UQCRC1: variants seen among roughly 807,000 people sequenced by gnomAD.
The protein encoded by UQCRC1 is ubiquinol-cytochrome c reductase core protein 1, also known as cytochrome b-c1 complex subunit 1, mitochondrial.
UQCRC1 carries 34 observed loss-of-function variants against 58.0 expected under a neutral mutation model. That is an observed-to-expected ratio of 0.59 (90% CI 0.45 to 0.78). The LOEUF is 0.78. Ranked by LOEUF, UQCRC1 falls within the 30% of genes least tolerant of loss-of-function variation. The pLI is 0.00. For missense variants in UQCRC1, 610 were observed against 646.0 expected (o/e 0.94, Z 0.60); for synonymous variants, 276 against 248.8 (o/e 1.11, Z -1.03).
At position 48,600,575 on chromosome 3, in the gene UQCRC1, G is replaced by T. The variant is rs564377121; in HGVS notation, c.1128-8C>A. On this transcript the variant is annotated splice_region_variant and splice_polypyrimidine_tract_variant and intron_variant, in intron 9 of 12. Transcript: ENST00000203407. ...CTGGTACACAGGCGCATCCTAAAGT[G>T]GGGGGGTGGGTGGTATTCATTCTGA... The T allele has an allele frequency of 1.2e-5, 20 of 1,613,742 alleles. No homozygotes were observed. Among genetic ancestry groups the T allele is most frequent in the South Asian group, 8.8e-5 (8 of 91,052 alleles).
At chr3:48,601,810 G>A (rs2046368705) in intron 6 of UQCRC1, among the ~76,000 whole-genome samples, 1 of 152,182 alleles carries the variant, frequency 6.6e-6, no homozygotes, top group African/African-American at 2.4e-5. Flanking sequence ...TGGGCACAAA[G>A]CCACCTGGCC....
Position 48,600,661 on chromosome 3 carries a change from ATACC to A in UQCRC1, c.1127+15_1127+18del. 6.2e-7 allele frequency: 1 copy of A among 1,614,158 alleles called. No individual in the cohort carries two copies. ...GTTAAAGCCGCCATCCCACCTAGGAATACCAGGCTGCCACTTACCACTGCCCTTG... is the reference window on the plus strand; with the variant it reads ...GTTAAAGCCGCCATCCCACCTAGGAAAGGCTGCCACTTACCACTGCCCTTG... On this transcript the variant is annotated intron_variant, in intron 9 of 12. Coordinates refer to ENST00000203407, the MANE Select transcript of UQCRC1 (RefSeq NM_003365.3).
intron 12 of UQCRC1, 163 bp downstream of exon 12, chr3:48,599,472 C>G: frequency 2.5e-6 from 2 of 790,604 alleles, no homozygotes; most frequent in Non-Finnish European, 4.0e-6. Flanking sequence ...GACAGGTTTT[C>G]TGAGCAAGAA....
chr3:48,604,620 C>T, intron 4 of UQCRC1, 31 bp downstream of exon 4: 1 of 1,613,554 alleles, frequency 6.2e-7, no homozygotes, highest in Non-Finnish European at 8.5e-7. Context: ...CTTCCCTGCC[C>T]TCTGTCCCCG....
At chr3:48,605,669 G>C (rs570185687) in intron 3 of UQCRC1, 101 bp downstream of exon 3, 3 of 1,181,154 alleles carry the variant, frequency 2.5e-6, no homozygotes, top group African/African-American at 1.6e-5. Context: ...CATCAGCCCC[G>C]CAACTGAGGC....
chr3:48,601,518 G>A, intron 6 of UQCRC1, 51 bp from the exon 7 acceptor site: 3 of 1,567,678 alleles, frequency 1.9e-6, no homozygotes, highest in Admixed American at 1.8e-5. Flanking sequence ...CAAGGCACAG[G>A]GTGGGGCGAT....
rs760262856 is a variant in UQCRC1 at position 48,609,571 on chromosome 3, A to T, written c.50T>A (p.Leu17Gln). The change falls in exon 1 of 13, where the codon CTA (leucine) becomes CAA (glutamine). Residue 17 changes from leucine to glutamine, a missense_variant. Coordinates refer to ENST00000203407, the MANE Select transcript of UQCRC1 (RefSeq NM_003365.3). ...CRAATAGAQV[L>Q]LRARRSPALL... ...CCTCACCGAGCGGCGGGCGCGCAAT[A>T]GCACTTGTGCCCCGGCGGTAGCGGC... is the stretch of plus-strand genomic sequence containing the variant. 6.4e-7 allele frequency: 1 copy of T among 1,570,170 alleles called. No individual in the cohort carries two copies. The highest frequency in any genetic ancestry group is 1.1e-5 in the South Asian group (1 of 87,292).
chr3:48,600,946 C>T (rs772865589), intron 8 of UQCRC1, 29 bp downstream of exon 8: 6 of 1,601,048 alleles, frequency 3.7e-6, no homozygotes, highest in South Asian at 2.2e-5. Flanking sequence ...TCCCTGAAGG[C>T]GAGGTCCCAT....
At position 48,599,640 on chromosome 3, in the gene UQCRC1, C is replaced by T; in HGVS notation, c.1373G>A (p.Gly458Glu). The change falls in exon 12 of 13, where the codon GGA becomes GAA. Residue 458 changes from glycine (G) to glutamate (E), a missense_variant. Coordinates refer to ENST00000203407, the MANE Select transcript of UQCRC1 (RefSeq NM_003365.3). ...YIYDQCPAVA[G>E]YGPIEQLPDY... ...AGACCCCCTAGGCCACTTACCATATCCAGCCACTGCTGGGCACTGGTCATA... is the reference window on the plus strand; with the variant it reads ...AGACCCCCTAGGCCACTTACCATATTCAGCCACTGCTGGGCACTGGTCATA... 1 of 1,613,890 alleles carries T rather than the reference C, an allele frequency of 6.2e-7. No homozygotes were observed. The highest frequency in any genetic ancestry group is 8.5e-7 in the Non-Finnish European group (1 of 1,179,936).
At position 48,604,351 on chromosome 3, in the gene UQCRC1, G is replaced by A. The variant is rs148864301; in HGVS notation, c.508C>T (p.Arg170Trp). 1.8e-5 allele frequency: 29 copies of A among 1,614,058 alleles called. No homozygotes were observed. Among genetic ancestry groups the A allele is most frequent in the East Asian group, 8.9e-5 (4 of 44,894 alleles). ...QIEKERDVIL[R>W]EMQENDASMR... The stretch of plus-strand genomic sequence containing the variant: ...GATGCATCATTCTCCTGCATCTCCC[G>A]CAGGATCACATCACGTTCCTTCTCA... The change falls in exon 5 of 13, where the codon CGG becomes TGG. Residue 170 changes from arginine to tryptophan, a missense_variant. Coordinates refer to ENST00000203407, the MANE Select transcript of UQCRC1 (RefSeq NM_003365.3).
chr3:48,599,356 T>C, intron 12 of UQCRC1, 164 bp from the exon 13 acceptor site: 1 of 862,328 alleles, frequency 1.2e-6, no homozygotes, highest in Non-Finnish European at 1.7e-6. Context: ...AGCCTGTCCC[T>C]TCATGTTCTG....
At position 48,601,438 on chromosome 3, in the gene UQCRC1, C is replaced by T. The variant is rs145767014; in HGVS notation, c.736G>A (p.Ala246Thr). The T allele has an allele frequency of 5.8e-5, 94 of 1,614,116 alleles. 3 individuals are homozygous for T. The South Asian group carries it at 9.4e-4, about 16-fold the overall frequency. Reference sequence around the variant, plus strand: ...GGGATGCCACCGAGGTGCTTCTGGGCGAGGTCTAACAGTTGCTGGTGCTCC... The same window carrying T: ...GGGATGCCACCGAGGTGCTTCTGGGTGAGGTCTAACAGTTGCTGGTGCTCC... ...GVEHQQLLDL[A>T]QKHLGGIPWT... The change falls in exon 7 of 13, where the codon GCC becomes ACC. Residue 246 changes from alanine (A) to threonine (T), a missense_variant. Physicochemically the swap from Ala to Thr is moderately conservative, Grantham distance 58 (BLOSUM62 0). Transcript: ENST00000203407.
intron 6 of UQCRC1, among the ~76,000 whole-genome samples, chr3:48,602,252 T>G (rs1203470272): frequency 1.3e-5 from 2 of 151,820 alleles, no homozygotes; most frequent in Non-Finnish European, 2.9e-5. Context: ...GGGGTTTCAC[T>G]GTGTTAGCCA....
intron 10 of UQCRC1, 60 bp from the exon 11 acceptor site, chr3:48,600,211 A>G (rs899402098): frequency 6.4e-7 from 1 of 1,572,228 alleles, no homozygotes; most frequent in Non-Finnish European, 8.7e-7. Context: ...CCACAGGTAC[A>G]CAAACAATCT....
At chr3:48,609,470 C>G in intron 1 of UQCRC1, 82 bp downstream of exon 1, 3 of 1,523,668 alleles carry the variant, frequency 2.0e-6, no homozygotes, top group Non-Finnish European at 2.6e-6. Context: ...CTCCCCACCT[C>G]GACCTGCCAC....
rs2046353948 is a variant in UQCRC1, at chr3:48,600,493, G to C, written c.1202C>G (p.Ser401Cys). The C allele has an allele frequency of 6.2e-7, 1 of 1,613,992 alleles. No individual in the cohort carries two copies. The highest frequency in any genetic ancestry group is 8.5e-7 in the Non-Finnish European group (1 of 1,180,026). ...GKNILRNALV[S>C]HLDGTTPVCE... is the part of the protein sequence containing the mutation. Reference sequence around the variant, plus strand: ...GCTGTAGGACTCACCATCTAGATGAGATACCAGGGCATTTCTGAGGATGTT... The same window carrying C: ...GCTGTAGGACTCACCATCTAGATGACATACCAGGGCATTTCTGAGGATGTT... The change falls in exon 10 of 13, where the codon TCT becomes TGT. Residue 401 changes from serine to cysteine, a missense_variant. Physicochemically the swap from Ser to Cys is moderately radical, Grantham distance 112. Transcript: ENST00000203407.
intron 7 of UQCRC1, 45 bp downstream of exon 7, chr3:48,601,307 A>G: frequency 6.2e-7 from 1 of 1,600,302 alleles, no homozygotes; most frequent in Non-Finnish European, 8.5e-7. Flanking sequence ...GGGTCCTCCC[A>G]CAGGCCCCCA....
At chr3:48,600,910 G>A (rs1008102480) in intron 8 of UQCRC1, 65 bp downstream of exon 8, 5 of 1,608,576 alleles carry the variant, frequency 3.1e-6, no homozygotes, top group Non-Finnish European at 4.3e-6. Flanking sequence ...CCACGCACAG[G>A]AGCACACAGC....
chr3:48,609,416 C>T (rs1360319814), intron 1 of UQCRC1, 114 bp from the exon 2 acceptor site: 14 of 1,510,442 alleles, frequency 9.3e-6, no homozygotes, highest in Admixed American at 2.0e-5. Flanking sequence ...AGATACCTTT[C>T]CCCGCCCTCC....
Sources: allele counts gnomAD v4.1 joint callset (sites outside exome capture counted in the v4.1 genomes callset), GRCh38; gene constraint gnomAD v4.1.1; transcripts MANE v1.5; gene names NCBI Gene and HGNC (gene_info 2026-07-23, HGNC 2026-07-21).